Variants in PCCA observed in about 807,000 individuals in gnomAD.
PCCA encodes propionyl-CoA carboxylase subunit alpha, also known as propionyl-CoA carboxylase alpha chain, mitochondrial.
Under a neutral mutation model 101.3 loss-of-function variants are expected in PCCA, and 74 were observed. The observed-to-expected ratio is 0.73, with a 90% CI of 0.61 to 0.89. PCCA has a LOEUF of 0.89. Among genes scored for constraint, PCCA ranks in the 40% least tolerant of loss-of-function variants. PCCA has a pLI of 0.00. For missense variants in PCCA, 891 were observed against 907.0 expected (o/e 0.98, Z 0.23); for synonymous variants, 294 against 313.6 (o/e 0.94, Z 0.66).
At chr13:100,138,360 T>C (rs2051432654) in intron 4 of PCCA, among the ~76,000 whole-genome samples, 1 of 152,246 alleles carries the variant, frequency 6.6e-6, no homozygotes, top group Non-Finnish European at 1.5e-5. Flanking sequence ...TTGGAATATG[T>C]CAGTCTTACC....
intron 21 of PCCA, among the ~76,000 whole-genome samples, chr13:100,451,213 C>T (rs539626298): frequency 6.6e-6 from 1 of 151,526 alleles, no homozygotes; most frequent in South Asian, 2.1e-4. Context: ...TTTCAGTGTT[C>T]GTCTCATCTA....
intron 12 of PCCA, among the ~76,000 whole-genome samples, chr13:100,299,379 A>G (rs1327667876): frequency 1.3e-5 from 2 of 152,210 alleles, no homozygotes; most frequent in Non-Finnish European, 2.9e-5. Context: ...ATGCTTTTTA[A>G]AAGACATGTA....
intron 7 of PCCA, among the ~76,000 whole-genome samples, chr13:100,210,023 T>A (rs192849555): frequency 9.5e-4 from 144 of 152,192 alleles, no homozygotes; most frequent in African/African-American, 3.4e-3. Flanking sequence ...GGTGCAGTCA[T>A]AGCTCACTGT....
intron 19 of PCCA, among the ~76,000 whole-genome samples, chr13:100,392,742 A>G (rs1175090610): frequency 1.3e-5 from 2 of 152,232 alleles, no homozygotes; most frequent in Admixed American, 1.3e-4. Flanking sequence ...CCATTGTGTG[A>G]ATAACTGATA....
intron 18 of PCCA, among the ~76,000 whole-genome samples, chr13:100,364,108 G>A (rs958388329): frequency 6.6e-6 from 1 of 152,120 alleles, no homozygotes; most frequent in Non-Finnish European, 1.5e-5. Context: ...TTTGTTTGTT[G>A]AAGAAATAAC....
At chr13:100,197,075 G>C (rs1748183681) in intron 6 of PCCA, among the ~76,000 whole-genome samples, 1 of 152,164 alleles carries the variant, frequency 6.6e-6, no homozygotes, top group African/African-American at 2.4e-5. Flanking sequence ...ACAGACTCAG[G>C]ACTTCCAGTG....
intron 6 of PCCA, among the ~76,000 whole-genome samples, chr13:100,168,059 G>C (rs1379833551): frequency 6.6e-6 from 1 of 152,070 alleles, no homozygotes; most frequent in South Asian, 2.1e-4. Context: ...TTCTCTCTCA[G>C]AACTTCCTTA....
chr13:100,347,550 A>C (rs537834946), intron 18 of PCCA, among the ~76,000 whole-genome samples: 79 of 152,348 alleles, frequency 5.2e-4, no homozygotes, highest in Non-Finnish European at 9.3e-4. Flanking sequence ...TAGTTTAAAC[A>C]CAACATTCCT....
At chr13:100,326,210 A>T (rs1350384047) in intron 16 of PCCA, among the ~76,000 whole-genome samples, 1 of 152,210 alleles carries the variant, frequency 6.6e-6, no homozygotes, top group African/African-American at 2.4e-5. Flanking sequence ...TGTGGATTTG[A>T]CATAAAAGGT....
intron 4 of PCCA, among the ~76,000 whole-genome samples, chr13:100,141,688 C>T (rs2152345436): frequency 6.6e-6 from 1 of 152,196 alleles, no homozygotes; most frequent in East Asian, 1.9e-4. Flanking sequence ...GCTAAGTTTA[C>T]AGGCGTGAAC....
chr13:100,209,621 GT>G (rs1271082486), intron 7 of PCCA, among the ~76,000 whole-genome samples, 158 bp downstream of exon 7: 2 of 152,022 alleles, frequency 1.3e-5, no homozygotes, highest in African/African-American at 4.8e-5. Flanking sequence ...AAAAATCAGT[GT>G]TTTTACATTT....
chr13:100,125,380 C>G (rs774844846), intron 4 of PCCA, among the ~76,000 whole-genome samples: 5 of 152,064 alleles, frequency 3.3e-5, no homozygotes, highest in Non-Finnish European at 7.4e-5. Flanking sequence ...ATTAACTTTC[C>G]TTATCAACAG....
intron 4 of PCCA, among the ~76,000 whole-genome samples, chr13:100,147,693 C>G (rs9554670): frequency 0.32 from 49,389 of 152,000 alleles, 8,972 homozygotes; most frequent in East Asian, 0.72. Context: ...AGATTGCAAG[C>G]TAGAGCTGAG....
intron 19 of PCCA, among the ~76,000 whole-genome samples, chr13:100,386,722 A>G (rs1015502774): frequency 1.3e-5 from 2 of 152,198 alleles, no homozygotes; most frequent in Non-Finnish European, 2.9e-5. Flanking sequence ...AACGACATTC[A>G]TTGGCATAAA....
At chr13:100,148,748 C>T (rs1215887556) in intron 4 of PCCA, among the ~76,000 whole-genome samples, 8 of 152,124 alleles carry the variant, frequency 5.3e-5, no homozygotes, top group South Asian at 2.1e-4. Context: ...GTTCCGAGAT[C>T]GATTCAGTAT....
intron 8 of PCCA, among the ~76,000 whole-genome samples, chr13:100,247,400 TAGAG>T (rs1226524005): frequency 2.7e-5 from 4 of 150,462 alleles, no homozygotes; most frequent in Non-Finnish European, 5.9e-5. Context: ...GTATTTTCAG[TAGAG>T]ACGAGGTTTC....
chr13:100,090,506 C>G, intron 1 of PCCA, among the ~76,000 whole-genome samples: 1 of 152,050 alleles, frequency 6.6e-6, no homozygotes, highest in Non-Finnish European at 1.5e-5. Context: ...CTTCCTTGGG[C>G]GTCAGCTTCG....
intron 16 of PCCA, among the ~76,000 whole-genome samples, chr13:100,324,941 A>G (rs1454721242): frequency 6.6e-6 from 1 of 152,218 alleles, no homozygotes; most frequent in African/African-American, 2.4e-5. Flanking sequence ...CAGAATCCAT[A>G]CAAAGTGCTA....
At chr13:100,236,651 G>C (rs1434850703) in intron 8 of PCCA, 1 of 151,904 alleles carries the variant, frequency 6.6e-6, no homozygotes, top group East Asian at 1.9e-4. Context: ...TAGTAGAGAT[G>C]GAGTTTCACT....
Sources: allele counts gnomAD v4.1 joint callset (sites outside exome capture counted in the v4.1 genomes callset), GRCh38; gene constraint gnomAD v4.1.1; transcripts MANE v1.5; gene names NCBI Gene and HGNC (gene_info 2026-07-23, HGNC 2026-07-21).